Variants in BCAS1 observed in about 807,000 individuals in gnomAD.
The protein encoded by BCAS1 is breast carcinoma-amplified sequence 1.
Under a neutral mutation model 65.4 loss-of-function variants are expected in BCAS1, and 46 were observed. The ratio of observed to expected loss-of-function variants is 0.70; its 90% CI spans 0.55 to 0.90. The LOEUF is 0.90. Ranked by LOEUF, BCAS1 falls within the 40% of genes least tolerant of loss-of-function variation. The pLI, the probability that BCAS1 is intolerant of heterozygous loss-of-function variation, is 0.00. For synonymous variants in BCAS1, 298 were observed against 293.5 expected, an observed-to-expected ratio of 1.02 and a Z score of -0.16; for missense variants, 793 against 771.2, an observed-to-expected ratio of 1.03 and a Z score of -0.33.
At chr20:54,013,068 C>A (rs1298530850) in intron 4 of BCAS1, among the ~76,000 whole-genome samples, 3 of 152,198 alleles carry the variant, frequency 2.0e-5, no homozygotes, top group African/African-American at 7.2e-5. Context: ...TTACCATCAA[C>A]CATACAACAT....
chr20:54,001,820 A>C (rs564409030), intron 4 of BCAS1, among the ~76,000 whole-genome samples: 1 of 152,300 alleles, frequency 6.6e-6, no homozygotes, highest in Non-Finnish European at 1.5e-5. Flanking sequence ...TGTCTTGATA[A>C]ATTGGCTCTG....
intron 4 of BCAS1, among the ~76,000 whole-genome samples, chr20:54,017,382 G>A (rs1239645501): frequency 6.8e-6 from 1 of 146,488 alleles, no homozygotes; most frequent in Non-Finnish European, 1.5e-5. Context: ...TCCCTTATGT[G>A]TGATTTTTTT....
chr20:53,986,667 G>T (rs1034843), intron 7 of BCAS1, among the ~76,000 whole-genome samples: 2,716 of 152,246 alleles, frequency 0.018, 62 homozygotes, highest in East Asian at 0.11. Flanking sequence ...GGAGGCCGAC[G>T]TGGGAAGATT....
In BCAS1 at chr20:54,028,893, A is replaced by T. The variant is rs367579124; in HGVS notation, c.222T>A (p.Asp74Glu). 2.5e-6 allele frequency: 4 copies of T among 1,613,750 alleles called. No individual in the cohort carries two copies. Reference sequence around the variant, plus strand: ...CTTTCCCAAGATTCTTTCCGTTGGCATCCGCAACAGCACTTATCTCCGTTG... The same window carrying T: ...CTTTCCCAAGATTCTTTCCGTTGGCTTCCGCAACAGCACTTATCTCCGTTG... The part of the protein sequence containing the change: ...PETTEISAVA[D>E]ANGKNLGKEA... Residue 74 changes from aspartate to glutamate, a missense_variant, in exon 4 of 13, where the codon GAT (aspartate) becomes GAA (glutamate). Transcript: ENST00000688948.
At chr20:54,014,807 GACA>G (rs1290361722) in intron 4 of BCAS1, among the ~76,000 whole-genome samples, 1 of 152,106 alleles carries the variant, frequency 6.6e-6, no homozygotes, top group East Asian at 1.9e-4. Context: ...CGATTTGCTG[GACA>G]ACAATAGTCT....
chr20:53,950,083 T>G (rs1261048870), intron 12 of BCAS1, among the ~76,000 whole-genome samples: 1 of 152,182 alleles, frequency 6.6e-6, no homozygotes, highest in African/African-American at 2.4e-5. Flanking sequence ...CAAGACTTCT[T>G]ACTTAATATC....
At chr20:53,995,098 T>G in intron 5 of BCAS1, 42 bp from the exon 6 acceptor site, 1 of 1,531,778 alleles carries the variant, frequency 6.5e-7, no homozygotes, top group Non-Finnish European at 9.0e-7. Context: ...ATCATTGCTC[T>G]TTAGAGTGAT....
chr20:54,035,372 G>C (rs1467614447), intron 3 of BCAS1, among the ~76,000 whole-genome samples: 1 of 135,814 alleles, frequency 7.4e-6, no homozygotes, highest in Admixed American at 8.0e-5. Context: ...CTGCACTCCA[G>C]CCTGGGCGAC....
At chr20:54,013,061 C>G (rs2145971940) in intron 4 of BCAS1, among the ~76,000 whole-genome samples, 1 of 152,272 alleles carries the variant, frequency 6.6e-6, no homozygotes, top group East Asian at 1.9e-4. Context: ...ACATATGTTA[C>G]CATCAACCAT....
intron 3 of BCAS1, among the ~76,000 whole-genome samples, chr20:54,044,753 G>A (rs532384243): frequency 8.0e-5 from 12 of 150,848 alleles, no homozygotes; most frequent in African/African-American, 2.7e-4. Context: ...CATGACAATC[G>A]CTTGAACCCA....
At chr20:54,038,635 C>T (rs1480683753) in intron 3 of BCAS1, among the ~76,000 whole-genome samples, 3 of 151,356 alleles carry the variant, frequency 2.0e-5, no homozygotes, top group Admixed American at 6.6e-5. Context: ...TCTGACAATA[C>T]ATTATCCAAA....
At chr20:53,969,559 T>C (rs6022882) in intron 9 of BCAS1, among the ~76,000 whole-genome samples, 5,676 of 152,226 alleles carry the variant, frequency 0.037, 292 homozygotes, top group African/African-American at 0.11. Context: ...ACAATAAGGA[T>C]GGCATTTTCT....
At chr20:53,947,900 C>A (rs549569747) in intron 12 of BCAS1, among the ~76,000 whole-genome samples, 24 of 152,348 alleles carry the variant, frequency 1.6e-4, no homozygotes, top group African/African-American at 5.8e-4. Flanking sequence ...TTAAACCTCA[C>A]AAGCATTGCT....
rs1252187841 is a variant in BCAS1, at chr20:53,973,432, T to A, written c.1317+1957A>T. 2.6e-5 allele frequency among the ~76,000 whole-genome samples: 4 copies of A among 152,226 alleles called. No individual in the cohort carries two copies. The East Asian group carries it at 7.7e-4, about 29-fold the overall frequency. ...TTGGTGTCGATAATTTAACTTTTAA[T>A]TCCTGTTTATATTTCTATTTAAAAT... On this transcript the variant is annotated intron_variant, in intron 9 of 12. Transcript: ENST00000688948.
At chr20:54,001,132 G>T (rs554307172) in intron 4 of BCAS1, among the ~76,000 whole-genome samples, 1 of 152,116 alleles carries the variant, frequency 6.6e-6, no homozygotes, top group Non-Finnish European at 1.5e-5. Flanking sequence ...AAATCAGTTT[G>T]ATCCTTTTAG....
At chr20:53,998,918 A>C (rs1325211145) in intron 4 of BCAS1, among the ~76,000 whole-genome samples, 3 of 152,214 alleles carry the variant, frequency 2.0e-5, no homozygotes, top group East Asian at 3.8e-4. Context: ...AAATATTACA[A>C]TTAACAGTTT....
chr20:53,950,178 C>T (rs1003945398), intron 12 of BCAS1, among the ~76,000 whole-genome samples: 7 of 152,118 alleles, frequency 4.6e-5, no homozygotes, highest in African/African-American at 7.2e-5. Context: ...TCCCCGCCCA[C>T]GGCTCCAATC....
At chr20:53,969,653 A>G (rs1283938006) in intron 9 of BCAS1, among the ~76,000 whole-genome samples, 3 of 152,166 alleles carry the variant, frequency 2.0e-5, no homozygotes, top group African/African-American at 7.2e-5. Context: ...TGGCTCCACA[A>G]TATCTCTAAC....
chr20:54,066,510 C>T (rs552565936), intron 1 of BCAS1, among the ~76,000 whole-genome samples: 23 of 152,302 alleles, frequency 1.5e-4, no homozygotes, highest in Admixed American at 1.1e-3. Flanking sequence ...GAAGCCCTAA[C>T]GTGCAATATG....
Sources: allele counts gnomAD v4.1 joint callset (sites outside exome capture counted in the v4.1 genomes callset), GRCh38; gene constraint gnomAD v4.1.1; transcripts MANE v1.5; gene names NCBI Gene and HGNC (gene_info 2026-07-23, HGNC 2026-07-21).